Variants in STOX2 observed in about 807,000 individuals in gnomAD.
STOX2 encodes storkhead box 2.
STOX2 carries 28 observed loss-of-function variants against 60.9 expected under a neutral mutation model. The observed-to-expected ratio is 0.46, with a 90% CI of 0.34 to 0.63. The LOEUF is 0.63. STOX2 is among the 30% of genes least tolerant of loss of function. The pLI is 0.01. For synonymous variants in STOX2, 472 were observed against 463.9 expected, an observed-to-expected ratio of 1.02 and a Z score of -0.22; for missense variants, 1,024 against 1,187.7, an observed-to-expected ratio of 0.86 and a Z score of 2.03.
At chr4:183,868,453 C>G (rs1291618916) in intron 1 of STOX2, among the ~76,000 whole-genome samples, 1 of 152,124 alleles carries the variant, frequency 6.6e-6, no homozygotes, top group Non-Finnish European at 1.5e-5. Flanking sequence ...AATTGTTTCT[C>G]TATGTATGAG....
intron 1 of STOX2, among the ~76,000 whole-genome samples, chr4:183,999,606 G>C (rs577508544): frequency 8.5e-4 from 129 of 152,286 alleles, no homozygotes; most frequent in Middle Eastern, 3.4e-3. Flanking sequence ...GCTGGGTTTG[G>C]GAAGGGGGTG....
intron 1 of STOX2, among the ~76,000 whole-genome samples, chr4:183,892,203 C>G (rs1741232504): frequency 6.6e-6 from 1 of 152,244 alleles, no homozygotes; most frequent in Non-Finnish European, 1.5e-5. Context: ...CCCCTCGTCT[C>G]CTATGCTGCG....
chr4:183,948,540 CTTTTT>C (rs10687778), intron 1 of STOX2, among the ~76,000 whole-genome samples: 2 of 78,182 alleles, frequency 2.6e-5, no homozygotes, highest in African/African-American at 4.7e-5. Context: ...ATGCCTTATC[CTTTTT>C]TTTTTTTTTT....
chr4:183,832,486 C>CTT (rs57764548), intron 1 of STOX2, among the ~76,000 whole-genome samples: 98 of 74,046 alleles, frequency 1.3e-3, no homozygotes, highest in Non-Finnish European at 1.7e-3. Context: ...ATAACCGACT[C>CTT]TTTTTTTTTT....
intron 1 of STOX2, among the ~76,000 whole-genome samples, chr4:183,918,443 T>G (rs942129757): frequency 6.6e-6 from 1 of 152,192 alleles, no homozygotes; most frequent in Non-Finnish European, 1.5e-5. Flanking sequence ...TCTGAGATAC[T>G]TATTTTGACT....
At chr4:183,830,471 T>C (rs1442722558) in intron 1 of STOX2, among the ~76,000 whole-genome samples, 5 of 152,126 alleles carry the variant, frequency 3.3e-5, no homozygotes, top group Admixed American at 3.3e-4. Context: ...TCCAGTGAAG[T>C]CCTCTGTGCC....
At chr4:183,807,023 A>T (rs999730353) in intron 1 of STOX2, among the ~76,000 whole-genome samples, 3 of 151,508 alleles carry the variant, frequency 2.0e-5, no homozygotes, top group Non-Finnish European at 4.4e-5. Context: ...CCCAGGCTGG[A>T]GTGCAGTGGC....
chr4:183,937,445 C>G (rs1488893567), intron 1 of STOX2, among the ~76,000 whole-genome samples: 1 of 152,174 alleles, frequency 6.6e-6, no homozygotes, highest in Non-Finnish European at 1.5e-5. Context: ...ATGACCTTTT[C>G]TTTATTGGAT....
intron 2 of STOX2, among the ~76,000 whole-genome samples, chr4:184,006,756 T>TA (rs1288101455): frequency 1.4e-5 from 2 of 145,398 alleles, no homozygotes; most frequent in Non-Finnish European, 3.0e-5. Context: ...ATTATAAAAT[T>TA]AAAAAACACC....
chr4:183,864,346 T>G (rs1055441760), intron 1 of STOX2, among the ~76,000 whole-genome samples: 3 of 152,132 alleles, frequency 2.0e-5, no homozygotes, highest in Non-Finnish European at 2.9e-5. Context: ...AGAAGAGTAA[T>G]CTCTATGAAA....
At chr4:183,847,963 A>G (rs1740025008) in intron 1 of STOX2, among the ~76,000 whole-genome samples, 2 of 152,100 alleles carry the variant, frequency 1.3e-5, no homozygotes, top group African/African-American at 4.8e-5. Context: ...AAAGAGAACT[A>G]GAGAGGAGAG....
At chr4:183,914,962 C>T (rs1741888375) in intron 1 of STOX2, among the ~76,000 whole-genome samples, 1 of 152,198 alleles carries the variant, frequency 6.6e-6, no homozygotes, top group African/African-American at 2.4e-5. Context: ...CAGAGCTCTG[C>T]AAGTAGCCGC....
rs151230278 is a variant in STOX2 at position 183,973,722 on chromosome 4, G to A, written c.167-27603G>A. ...TTAAAATATGTATAATAGGCCGGGC[G>A]CTGTGGCTCATGCCTCTGATCTCAG... On this transcript the variant is annotated intron_variant, in intron 1 of 3. Transcript: ENST00000308497. 4.1e-4 allele frequency among the ~76,000 whole-genome samples: 62 copies of A among 152,310 alleles called. No homozygotes were observed. The East Asian group carries it at 5.4e-3, about 13-fold the overall frequency.
intron 1 of STOX2, among the ~76,000 whole-genome samples, chr4:183,872,746 A>G (rs1482278793): frequency 1.3e-5 from 2 of 152,002 alleles, no homozygotes; most frequent in Admixed American, 1.3e-4. Flanking sequence ...ACGTAAATTG[A>G]TGGCTCTGGT....
intron 1 of STOX2, among the ~76,000 whole-genome samples, chr4:183,873,225 A>G (rs558956244): frequency 1.3e-5 from 2 of 152,262 alleles, no homozygotes; most frequent in East Asian, 1.9e-4. Flanking sequence ...AGGTGGGCGG[A>G]TCACCTGAGG....
intron 1 of STOX2, among the ~76,000 whole-genome samples, chr4:183,943,703 C>T (rs1366827299): frequency 6.6e-6 from 1 of 152,130 alleles, no homozygotes; most frequent in East Asian, 1.9e-4. Context: ...ACAGTGAAAC[C>T]CCGTCTCTAC....
At chr4:184,016,613 AG>A (rs1439853878) in intron 3 of STOX2, among the ~76,000 whole-genome samples, 2 of 152,210 alleles carry the variant, frequency 1.3e-5, no homozygotes, top group South Asian at 2.1e-4. Context: ...GGCATGCTCA[AG>A]TCCCCCACAG....
chr4:183,889,533 GC>G (rs1741159369), intron 1 of STOX2, among the ~76,000 whole-genome samples: 1 of 152,228 alleles, frequency 6.6e-6, no homozygotes, highest in Non-Finnish European at 1.5e-5. Context: ...CGTTACAGCA[GC>G]CCTTGCAAAC....
chr4:183,850,462 C>T (rs1446747741), intron 1 of STOX2, among the ~76,000 whole-genome samples: 7 of 152,102 alleles, frequency 4.6e-5, no homozygotes, highest in Admixed American at 3.9e-4. Flanking sequence ...GGCATGGTGG[C>T]TCACACCTGT....
Sources: allele counts gnomAD v4.1 joint callset (sites outside exome capture counted in the v4.1 genomes callset), GRCh38; gene constraint gnomAD v4.1.1; transcripts MANE v1.5; gene names NCBI Gene and HGNC (gene_info 2026-07-23, HGNC 2026-07-21).